The following MAST3 variants were observed in gnomAD, a reference collection of about 807,000 sequenced individuals.
MAST3 encodes the protein microtubule-associated serine/threonine-protein kinase 3.
A neutral mutation model predicts 127.0 loss-of-function variants in MAST3; 43 were observed. The ratio of observed to expected loss-of-function variants is 0.34; its 90% confidence interval spans 0.27 to 0.44. MAST3 has a LOEUF of 0.44. Among genes scored for constraint, MAST3 ranks in the 20% least tolerant of loss-of-function variants. The pLI is 1.00. For synonymous variants in MAST3, 785 were observed against 809.2 expected, an observed-to-expected ratio of 0.97 and a Z score of 0.51; for missense variants, 1,390 against 1,919.1, an observed-to-expected ratio of 0.72 and a Z score of 5.15.
intron 15 of MAST3, among the ~76,000 whole-genome samples, chr19:18,132,492 C>T (rs1034267019): frequency 6.6e-6 from 1 of 152,142 alleles, no homozygotes; most frequent in African/African-American, 2.4e-5. Flanking sequence ...AAGACAGTGA[C>T]CGTGCATGTC....
At chr19:18,136,436 G>C (rs2041896556) in intron 18 of MAST3, among the ~76,000 whole-genome samples, 1 of 152,118 alleles carries the variant, frequency 6.6e-6, no homozygotes, top group Non-Finnish European at 1.5e-5. Flanking sequence ...ATTTTTTTGA[G>C]ATTAGATCTC....
chr19:18,117,486 G>GTGCTGGGAGC lies in MAST3; in HGVS notation c.162-4190_162-4181dup, dbSNP rs536778558. ...CAAACACACCCTCTATGCCAGTCCG[G>GTGCTGGGAGC]TGCTGGGAGCTGCTGGGACCCTAAG... On this transcript the variant is annotated intron_variant, in intron 3 of 27. Transcript: ENST00000687212. Among the ~76,000 whole-genome samples, 935 of 152,286 alleles carry GTGCTGGGAGC rather than the reference G, an allele frequency of 6.1e-3. 13 individuals are homozygous for GTGCTGGGAGC. Among genetic ancestry groups the GTGCTGGGAGC allele is most frequent in the African/African-American group, 0.022 (897 of 41,566 alleles).
At chr19:18,131,877 G>A (rs765697078) in intron 14 of MAST3, 32 bp from the exon 15 acceptor site, 11 of 1,545,182 alleles carry the variant, frequency 7.1e-6, no homozygotes, top group East Asian at 2.4e-5. Context: ...GGGGTGCCCC[G>A]GGCCTCATGA....
rs1423706815 is a variant in MAST3 at position 18,124,127 on chromosome 19, G to A, written c.822G>A (p.Lys274=). 1 of 1,611,030 alleles carries A rather than the reference G, an allele frequency of 6.2e-7. No individual in the cohort carries two copies. Among genetic ancestry groups the A allele is most frequent in the Non-Finnish European group, 8.5e-7 (1 of 1,178,804 alleles). The change falls in exon 9 of 28, where the codon AAG becomes AAA. Residue 274 remains lysine, a synonymous_variant. Transcript: ENST00000687212. ...TSRYFLEMQE[K]LERLLQDAHE... ...GCTACTTCCTAGAGATGCAGGAGAAGCTGGAGCGGCTTCTGCAGGATGTGC... is the reference window on the plus strand; with the variant it reads ...GCTACTTCCTAGAGATGCAGGAGAAACTGGAGCGGCTTCTGCAGGATGTGC...
chr19:18,147,679 G>T, intron 27 of MAST3, 55 bp downstream of exon 27: 1 of 1,310,406 alleles, frequency 7.6e-7, no homozygotes, highest in South Asian at 1.5e-5. Flanking sequence ...AAGGGCTGGT[G>T]GGCCCCAGGA....
Position 18,145,860 on chromosome 19 carries a change from C to T in MAST3, c.3157C>T (p.Leu1053=). 1 of 1,593,476 alleles carries T rather than the reference C, an allele frequency of 6.3e-7. No homozygotes were observed. The highest frequency in any genetic ancestry group is 2.3e-5 in the East Asian group (1 of 42,878). ...GCACATGGACGTCGTGGAGCTGCTG[C>T]TGAAGGTGCGGCACCCCCACTGCCC... ...LVHMDVVELL[L]KSGNKISLRT... is the part of the protein sequence containing the mutation. The change falls in exon 25 of 28, where the codon CTG becomes TTG. Residue 1053 remains leucine, a synonymous_variant. Coordinates refer to ENST00000687212, the MANE Select transcript of MAST3 (RefSeq NM_001393504.1). The surrounding 1 kb of genome is among the most constrained non-coding windows in gnomAD (Gnocchi z 5.9).
intron 2 of MAST3, chr19:18,109,943 C>G (rs2038391999): frequency 1.0e-6 from 1 of 985,100 alleles, no homozygotes; most frequent in Admixed American, 6.1e-5. Flanking sequence ...CGGGGTCAGG[C>G]CATGGAGCAA....
intron 3 of MAST3, among the ~76,000 whole-genome samples, chr19:18,120,396 A>G (rs1324092873): frequency 6.6e-6 from 1 of 152,088 alleles, no homozygotes; most frequent in African/African-American, 2.4e-5. Flanking sequence ...TGGTACAGGG[A>G]AAAGTGTGGG....
At chr19:18,148,461 C>T (rs2043256670) in intron 27 of MAST3, among the ~76,000 whole-genome samples, 1 of 147,712 alleles carries the variant, frequency 6.8e-6, no homozygotes, top group Non-Finnish European at 1.5e-5. Flanking sequence ...GACCCCATCT[C>T]AAAAAACAAA....
At position 18,145,082 on chromosome 19, in the gene MAST3, G is replaced by A. The variant is rs773364596; in HGVS notation, c.2892G>A (p.Ser964=). ...CGAACCCGTCGTCCCGTGACTCTTC[G>A]CCGAGCCGAGACCCGTCCCCCGTGT... The part of the protein sequence containing the change: ...LSSNPSSRDS[S]PSRDPSPVCG... The change falls in exon 24 of 28, where the codon TCG becomes TCA. Residue 964 remains serine, a synonymous_variant. Coordinates refer to ENST00000687212, the MANE Select transcript of MAST3 (RefSeq NM_001393504.1). The surrounding 1 kb of genome is among the most constrained non-coding windows in gnomAD (Gnocchi z 5.9). 65 of 1,612,538 alleles carry A rather than the reference G, an allele frequency of 4.0e-5. No homozygotes were observed. The highest frequency in any genetic ancestry group is 1.6e-4 in the Middle Eastern group (1 of 6,084).
chr19:18,130,409 G>C lies in MAST3; in HGVS notation c.1224-85G>C, dbSNP rs1177234319. The C allele has an allele frequency of 3.2e-6, 4 of 1,241,512 alleles. No homozygotes were observed. The African/African-American group carries it at 5.9e-5, about 18-fold the overall frequency. 76.9% of individuals were successfully genotyped at this position (1,241,512 alleles called of 1,614,324 possible). Reference sequence around the variant, plus strand: ...GCACAGCACAGGCAAAGGCCAGGCAGGTTGGGATCTGGGCTCAAGTTGAGC... The same window carrying C: ...GCACAGCACAGGCAAAGGCCAGGCACGTTGGGATCTGGGCTCAAGTTGAGC... On this transcript the variant is annotated intron_variant, in intron 13 of 27. Transcript: ENST00000687212.
chr19:18,140,661 C>A (rs977461988), intron 20 of MAST3, among the ~76,000 whole-genome samples: 1 of 152,182 alleles, frequency 6.6e-6, no homozygotes, highest in Non-Finnish European at 1.5e-5. Context: ...CAGTGTGGAC[C>A]AGTGCTTGCT....
At chr19:18,147,342 A>T in intron 26 of MAST3, 101 bp from the exon 27 acceptor site, 1 of 1,043,258 alleles carries the variant, frequency 9.6e-7, no homozygotes, top group Non-Finnish European at 1.4e-6. Context: ...ACCTTAAATG[A>T]TCCATCTGCC....
chr19:18,129,194 G>C, intron 13 of MAST3: 2 of 542,632 alleles, frequency 3.7e-6, no homozygotes, highest in Non-Finnish European at 6.6e-6. Flanking sequence ...GCGTTCTAGG[G>C]GCTTGGGGGC....
intron 3 of MAST3, among the ~76,000 whole-genome samples, chr19:18,119,455 G>A (rs2039692908): frequency 6.6e-6 from 1 of 152,300 alleles, no homozygotes; most frequent in South Asian, 2.1e-4. Flanking sequence ...TGCAGCTCAG[G>A]CTGGGAGACA....
chr19:18,104,312 C>A (rs2037888551), intron 1 of MAST3, among the ~76,000 whole-genome samples: 1 of 151,516 alleles, frequency 6.6e-6, no homozygotes, highest in South Asian at 2.1e-4. Flanking sequence ...GAACTAAACG[C>A]CGTGAGTTGT....
At chr19:18,140,333 C>A (rs1166779473) in intron 20 of MAST3, among the ~76,000 whole-genome samples, 134 of 152,128 alleles carry the variant, frequency 8.8e-4, no homozygotes, top group African/African-American at 3.2e-3. Context: ...AAGCTGAGAT[C>A]ACAGCGCTGC....
chr19:18,148,935 C>T (rs1348411120), intron 27 of MAST3, among the ~76,000 whole-genome samples: 1 of 151,160 alleles, frequency 6.6e-6, no homozygotes, highest in African/African-American at 2.4e-5. Context: ...TGGTGACGTG[C>T]ACCTGTTGTC....
At chr19:18,108,543 T>C (rs1463949293) in intron 2 of MAST3, among the ~76,000 whole-genome samples, 1 of 152,052 alleles carries the variant, frequency 6.6e-6, no homozygotes, top group African/African-American at 2.4e-5. Flanking sequence ...CTGACTTGTA[T>C]GTTTAGTAGA....
Sources: allele counts gnomAD v4.1 joint callset (sites outside exome capture counted in the v4.1 genomes callset), GRCh38; gene constraint gnomAD v4.1.1; non-coding constraint Gnocchi (gnomAD v3.1); transcripts MANE v1.5; gene names NCBI Gene and HGNC (gene_info 2026-07-23, HGNC 2026-07-21).